The following LRBA variants were observed in gnomAD, a reference collection of about 807,000 sequenced individuals.
The protein encoded by LRBA is lipopolysaccharide-responsive and beige-like anchor protein.
A neutral mutation model predicts 330.0 loss-of-function variants in LRBA; 176 were observed. That is an observed-to-expected ratio of 0.53 (90% CI 0.47 to 0.60). The LOEUF (loss-of-function observed/expected upper bound fraction) is 0.60. LRBA is among the 20% of genes least tolerant of loss of function. The pLI, the probability that LRBA is intolerant of heterozygous loss-of-function variation, is 0.00. For missense variants in LRBA, 3,259 were observed against 3,444.8 expected (o/e 0.95, Z 1.35); for synonymous variants, 1,230 against 1,193.0 (o/e 1.03, Z -0.64).
chr4:150,536,228 A>C (rs1490951198), intron 40 of LRBA, among the ~76,000 whole-genome samples: 1 of 152,214 alleles, frequency 6.6e-6, no homozygotes, highest in South Asian at 2.1e-4. Context: ...CACTTTGGGC[A>C]AAAAAGTTAC....
At chr4:150,809,914 C>T (rs1045982836) in intron 31 of LRBA, among the ~76,000 whole-genome samples, 2 of 150,076 alleles carry the variant, frequency 1.3e-5, no homozygotes, top group Non-Finnish European at 2.9e-5. Flanking sequence ...CGATACGATA[C>T]GATACGATAC....
chr4:150,336,943 C>T (rs2126993810), intron 48 of LRBA, among the ~76,000 whole-genome samples: 1 of 152,286 alleles, frequency 6.6e-6, no homozygotes, highest in Middle Eastern at 3.4e-3. Context: ...TTGATGTGCT[C>T]ATTCAAAACA....
chr4:150,792,227 G>A (rs963963693), intron 34 of LRBA, among the ~76,000 whole-genome samples: 2 of 147,718 alleles, frequency 1.4e-5, no homozygotes, highest in Admixed American at 6.8e-5. Context: ...AGGTTGAAGC[G>A]TACCCTAAAC....
rs375508653 is a variant in LRBA, at chr4:150,852,615, C to T, written c.3095G>A (p.Gly1032Asp). The change falls in exon 23 of 57, where the codon GGC becomes GAC. Residue 1032 changes from glycine (G) to aspartate (D), a missense_variant. Physicochemically the swap from Gly to Asp is moderately conservative, Grantham distance 94. Transcript: ENST00000651943. ...EQENQELPDEGTLEETLTNET... is the reference protein window; with the variant it reads ...EQENQELPDEDTLEETLTNET... ...ATTTGTCAGTGTTTCTTCCAAAGTGCCTTCATCTGGTAACTCCTGATTTTC... is the reference window on the plus strand; with the variant it reads ...ATTTGTCAGTGTTTCTTCCAAAGTGTCTTCATCTGGTAACTCCTGATTTTC... The T allele has an allele frequency of 7.4e-6, 12 of 1,613,994 alleles. No individual in the cohort carries two copies. Among genetic ancestry groups the T allele is most frequent in the Middle Eastern group, 1.6e-4 (1 of 6,062 alleles).
At chr4:150,307,589 C>A (rs558938382) in intron 52 of LRBA, among the ~76,000 whole-genome samples, 2 of 149,484 alleles carry the variant, frequency 1.3e-5, no homozygotes, top group African/African-American at 4.9e-5. Context: ...GCAAAAAAAA[C>A]AAGAAATAGC....
chr4:150,970,576 C>T (rs1466811061), intron 2 of LRBA: 2 of 146,342 alleles, frequency 1.4e-5, no homozygotes, highest in African/African-American at 5.0e-5. Context: ...CACACACACA[C>T]ACACACACAC....
At chr4:150,787,164 G>T (rs1342120755) in intron 34 of LRBA, among the ~76,000 whole-genome samples, 1 of 151,386 alleles carries the variant, frequency 6.6e-6, no homozygotes, top group Non-Finnish European at 1.5e-5. Context: ...AGGTTGCAGG[G>T]AGCCAAGATT....
chr4:150,964,725 C>T (rs1001539350), intron 2 of LRBA, among the ~76,000 whole-genome samples: 6 of 151,982 alleles, frequency 3.9e-5, no homozygotes, highest in Non-Finnish European at 8.8e-5. Flanking sequence ...AACCAGAGAC[C>T]TTTGTTCACA....
chr4:150,534,661 A>G (rs994144480), intron 40 of LRBA, among the ~76,000 whole-genome samples: 1 of 142,900 alleles, frequency 7.0e-6, no homozygotes, highest in African/African-American at 2.7e-5. Flanking sequence ...CTAAGTTTAT[A>G]TTACATATAT....
intron 42 of LRBA, among the ~76,000 whole-genome samples, chr4:150,485,680 C>T (rs1285487775): frequency 4.0e-5 from 6 of 151,846 alleles, no homozygotes; most frequent in Non-Finnish European, 7.4e-5. Context: ...TCAGAAGGAA[C>T]CAACACTGAT....
At chr4:150,269,485 C>T (rs1745793380) in intron 56 of LRBA, among the ~76,000 whole-genome samples, 1 of 152,130 alleles carries the variant, frequency 6.6e-6, no homozygotes, top group African/African-American at 2.4e-5. Context: ...AAACTAAAAA[C>T]AGATCAAAAA....
chr4:150,848,562 GAA>G (rs9331496), intron 26 of LRBA, among the ~76,000 whole-genome samples: 2,451 of 120,056 alleles, frequency 0.02, 28 homozygotes, highest in Non-Finnish European at 0.03. Context: ...GGAGAAAAAA[GAA>G]AAAAAAAAAA....
chr4:150,952,866 T>C (rs962549502), intron 2 of LRBA, among the ~76,000 whole-genome samples: 1 of 152,176 alleles, frequency 6.6e-6, no homozygotes, highest in Non-Finnish European at 1.5e-5. Context: ...AATGCATTCA[T>C]CTTTATATCT....
Position 150,583,848 on chromosome 4 carries a change from C to T in LRBA, c.6330+4200G>A, listed in dbSNP as rs902733649. The T allele has an allele frequency of 6.2e-7, 1 of 1,614,216 alleles. No individual in the cohort carries two copies. The highest frequency in any genetic ancestry group is 8.5e-7 in the Non-Finnish European group (1 of 1,180,044). ...CCGGCCAGCCGCTCAACAACTACCA[C>T]ATGAAGACGCTGCTGCTGTACGAGT... On this transcript the variant is annotated intron_variant, in intron 40 of 56. Coordinates refer to ENST00000651943, the MANE Select transcript of LRBA (RefSeq NM_001364905.1). The surrounding 1 kb of genome is among the most constrained non-coding windows in gnomAD (Gnocchi z 9.8).
intron 44 of LRBA, among the ~76,000 whole-genome samples, chr4:150,453,911 C>A (rs995597002): frequency 4.5e-4 from 68 of 152,140 alleles, no homozygotes; most frequent in African/African-American, 1.6e-3. Context: ...AATAGTCCTT[C>A]ATATTTCACT....
At chr4:150,278,054 G>A (rs370003732) in intron 55 of LRBA, 50 bp from the exon 56 acceptor site, 125 of 1,567,658 alleles carry the variant, frequency 8.0e-5, no homozygotes, top group Middle Eastern at 1.7e-4. Flanking sequence ...GGAAACTTTC[G>A]GCCCCCACCC....
chr4:150,962,450 C>T (rs1174916068), intron 2 of LRBA, among the ~76,000 whole-genome samples: 2 of 148,916 alleles, frequency 1.3e-5, no homozygotes, highest in Admixed American at 6.6e-5. Context: ...CCCGGGAAGT[C>T]CCAGCTACAG....
chr4:150,770,901 A>G (rs1578728781), intron 34 of LRBA, among the ~76,000 whole-genome samples: 1 of 152,272 alleles, frequency 6.6e-6, no homozygotes, highest in Middle Eastern at 3.4e-3. Flanking sequence ...TGCACTGAGG[A>G]ATCTCTTGTA....
At chr4:150,889,675 C>T (rs1729279394) in intron 17 of LRBA, among the ~76,000 whole-genome samples, 1 of 152,152 alleles carries the variant, frequency 6.6e-6, no homozygotes, top group South Asian at 2.1e-4. Flanking sequence ...GAAACCACCC[C>T]CAACCCCAGT....
Sources: allele counts gnomAD v4.1 joint callset (sites outside exome capture counted in the v4.1 genomes callset), GRCh38; gene constraint gnomAD v4.1.1; non-coding constraint Gnocchi (gnomAD v3.1); transcripts MANE v1.5; gene names NCBI Gene and HGNC (gene_info 2026-07-23, HGNC 2026-07-21).